MYT1L: variants seen among roughly 807,000 people sequenced by gnomAD.
MYT1L encodes the protein myelin transcription factor 1 like.
Under a neutral mutation model 126.7 loss-of-function variants are expected in MYT1L, and 12 were observed. The observed-to-expected ratio is 0.09, with a 90% CI of 0.06 to 0.15. The LOEUF is 0.15. Among genes scored for constraint, MYT1L ranks in the 10% least tolerant of loss-of-function variants. The probability of loss-of-function intolerance (pLI) is 1.00; values close to 1 mark genes in which losing one functional copy is unlikely to be tolerated. For missense variants in MYT1L, 979 were observed against 1,585.2 expected (o/e 0.62, Z 6.49); for synonymous variants, 541 against 604.2 (o/e 0.90, Z 1.53).
At chr2:1,932,380 T>C (rs1217826233) in intron 9 of MYT1L, among the ~76,000 whole-genome samples, 3 of 152,162 alleles carry the variant, frequency 2.0e-5, no homozygotes, top group African/African-American at 2.4e-5. Flanking sequence ...AGAAATGTAA[T>C]GATCACAATT....
At chr2:2,028,037 T>C (rs1415670389) in intron 4 of MYT1L, among the ~76,000 whole-genome samples, 1 of 152,252 alleles carries the variant, frequency 6.6e-6, no homozygotes, top group East Asian at 1.9e-4. Context: ...TGTGGGGTCA[T>C]AATGCTGAGT....
intron 18 of MYT1L, among the ~76,000 whole-genome samples, chr2:1,865,226 C>A (rs550485641): frequency 2.0e-5 from 3 of 152,162 alleles, no homozygotes; most frequent in Non-Finnish European, 4.4e-5. Context: ...AAGGTGGGAC[C>A]TGCACTGGAT....
intron 1 of MYT1L, among the ~76,000 whole-genome samples, chr2:2,287,655 C>A (rs2095542271): frequency 6.6e-6 from 1 of 152,164 alleles, no homozygotes; most frequent in African/African-American, 2.4e-5. Flanking sequence ...CTCCTTTTGA[C>A]CTCTGAAATC....
intron 3 of MYT1L, among the ~76,000 whole-genome samples, chr2:2,148,672 A>G (rs1435387161): frequency 1.3e-5 from 2 of 152,224 alleles, no homozygotes; most frequent in African/African-American, 4.8e-5. Context: ...TGTATTCTTC[A>G]GAGCACGAGG....
chr2:2,237,473 T>C (rs893164998), intron 2 of MYT1L, among the ~76,000 whole-genome samples: 1 of 152,218 alleles, frequency 6.6e-6, no homozygotes, highest in East Asian at 1.9e-4. Context: ...GATGTGATTT[T>C]GTATCCTGAA....
chr2:2,317,640 A>G (rs1175117804), intron 1 of MYT1L, among the ~76,000 whole-genome samples: 1 of 152,218 alleles, frequency 6.6e-6, no homozygotes, highest in Admixed American at 6.5e-5. Context: ...AATGTTTAAT[A>G]TTAGGTAAAA....
intron 21 of MYT1L, chr2:1,827,767 C>G (rs1019906058): frequency 6.6e-6 from 1 of 152,214 alleles, no homozygotes; most frequent in Non-Finnish European, 1.5e-5. Flanking sequence ...GCGAGGACCC[C>G]TCCCCTCCAC....
At chr2:2,176,210 T>C (rs1410629393) in intron 2 of MYT1L, among the ~76,000 whole-genome samples, 4 of 152,108 alleles carry the variant, frequency 2.6e-5, no homozygotes, top group Non-Finnish European at 5.9e-5. Context: ...GAAAAGGAAA[T>C]ATATAATCAA....
chr2:2,329,467 C>A (rs894884335), intron 1 of MYT1L, among the ~76,000 whole-genome samples: 2 of 137,282 alleles, frequency 1.5e-5, no homozygotes, highest in African/African-American at 5.8e-5. Context: ...ATTACTGATT[C>A]TTATAGTCCT....
At chr2:2,124,404 T>C (rs2081419437) in intron 3 of MYT1L, among the ~76,000 whole-genome samples, 1 of 152,086 alleles carries the variant, frequency 6.6e-6, no homozygotes, top group Admixed American at 6.5e-5. Context: ...AAAGTGATTC[T>C]CCTTCCTCAG....
At chr2:2,310,830 C>G (rs1486330646) in intron 1 of MYT1L, among the ~76,000 whole-genome samples, 1 of 152,106 alleles carries the variant, frequency 6.6e-6, no homozygotes, top group African/African-American at 2.4e-5. Context: ...CTTATAATCC[C>G]TAGCATCTAA....
At chr2:2,180,875 T>C (rs1297558187) in intron 2 of MYT1L, among the ~76,000 whole-genome samples, 1 of 150,670 alleles carries the variant, frequency 6.6e-6, no homozygotes, top group Non-Finnish European at 1.5e-5. Flanking sequence ...TGCACCTGTA[T>C]CCGTACCTGT....
At chr2:2,248,270 G>A (rs1020260625) in intron 2 of MYT1L, among the ~76,000 whole-genome samples, 2 of 151,838 alleles carry the variant, frequency 1.3e-5, no homozygotes, top group African/African-American at 2.4e-5. Flanking sequence ...CAATAAATTG[G>A]AAAATCTAGA....
At chr2:2,169,031 TATAAC>T (rs1301376224) in intron 3 of MYT1L, among the ~76,000 whole-genome samples, 2 of 152,224 alleles carry the variant, frequency 1.3e-5, no homozygotes, top group Admixed American at 6.5e-5. Context: ...TTTAGACACT[TATAAC>T]ATGTAATCCT....
chr2:1,811,410 C>CTGGCGT lies in MYT1L; in HGVS notation c.3081-2244_3081-2243insACGCCA, dbSNP rs1553396886. On this transcript the variant is annotated intron_variant, in intron 21 of 24. Coordinates refer to ENST00000647738, the MANE Select transcript of MYT1L (RefSeq NM_001303052.2). The surrounding 1 kb of genome is among the most constrained non-coding windows in gnomAD (Gnocchi z 4.4). ...GTCATCAGCTCTGGCGTCATCAGCT[C>CTGGCGT]CAGCATCATCAGCTCCCGCGTCCTA... is the stretch of plus-strand genomic sequence containing the variant. 8 of 152,506 alleles carry CTGGCGT rather than the reference C, an allele frequency of 5.2e-5. No individual in the cohort carries two copies. The highest frequency in any genetic ancestry group is 4.2e-4 in the South Asian group (2 of 4,818). 9.4% of individuals were successfully genotyped at this position (152,506 alleles called of 1,614,324 possible). A position where few individuals can be genotyped will look rare whatever the true frequency, so the allele number is the denominator to read the frequency against.
intron 14 of MYT1L, among the ~76,000 whole-genome samples, chr2:1,899,096 A>G (rs1217098089): frequency 6.6e-6 from 1 of 151,392 alleles, no homozygotes; most frequent in African/African-American, 2.4e-5. Context: ...TAGGCCCCCA[A>G]GGGTGGGGTG....
rs371690595 is a variant in MYT1L at position 2,022,956 on chromosome 2, G to A, written c.-157-25609C>T. On this transcript the variant is annotated intron_variant, in intron 4 of 24. Coordinates refer to ENST00000647738, the MANE Select transcript of MYT1L (RefSeq NM_001303052.2). ...CATGTCAAATGTCAGTCACATTCAG[G>A]ACTCACCTACATGGCCCAGGAGAGG... Among the ~76,000 whole-genome samples the A allele has an allele frequency of 2.6e-4, 39 of 152,236 alleles. No homozygotes were observed. The East Asian group carries it at 5.8e-3, about 23-fold the overall frequency.
At chr2:2,102,330 T>C (rs1019153223) in intron 3 of MYT1L, among the ~76,000 whole-genome samples, 1 of 152,240 alleles carries the variant, frequency 6.6e-6, no homozygotes, top group Non-Finnish European at 1.5e-5. Flanking sequence ...GAACCACTAA[T>C]GGAACATAGG....
At chr2:2,219,767 T>C (rs2093800694) in intron 2 of MYT1L, among the ~76,000 whole-genome samples, 1 of 152,164 alleles carries the variant, frequency 6.6e-6, no homozygotes, top group Admixed American at 6.5e-5. Flanking sequence ...CTGGACACAG[T>C]AGTGAGGTGG....
Sources: gnomAD v4.1 joint callset for allele counts (sites outside exome capture counted in the v4.1 genomes callset) on GRCh38, gnomAD v4.1.1 for gene constraint, Gnocchi (gnomAD v3.1) non-coding constraint, MANE v1.5 for transcripts, NCBI Gene and HGNC (gene_info 2026-07-23, HGNC 2026-07-21) for gene names.